The following ZNF254 variants were observed in gnomAD, a reference collection of about 807,000 sequenced individuals.
ZNF254 encodes CTD-2017D11.1.
Under a neutral mutation model 12.4 loss-of-function variants are expected in ZNF254, and 10 were observed. The observed-to-expected ratio is 0.80, with a 90% CI of 0.50 to 1.36. The LOEUF (loss-of-function observed/expected upper bound fraction) is 1.36, where lower values mean the gene tolerates loss of function less well. Among genes scored for constraint, ZNF254 ranks in the 40% most tolerant of loss-of-function variants. The pLI is 0.00. For missense variants in ZNF254, 996 were observed against 763.9 expected (o/e 1.30, Z -3.58); for synonymous variants, 305 against 253.4 (o/e 1.20, Z -1.93).
At chr19:24,066,357 C>T (rs894929664) in intron 2 of ZNF254, 8 of 152,144 alleles carry the variant, frequency 5.3e-5, no homozygotes, top group Non-Finnish European at 1.2e-4. Flanking sequence ...ATTGCTACAC[C>T]CAACACCTAG....
In ZNF254 at chr19:24,081,076, CAA is replaced by C. The variant is rs112442439; in HGVS notation, c.-93-24849_-93-24848del. Among the ~76,000 whole-genome samples, 449 of 123,410 alleles carry C rather than the reference CAA, an allele frequency of 3.6e-3. 2 individuals are homozygous for C. Among genetic ancestry groups the C allele is most frequent in the African/African-American group, 0.01 (370 of 35,804 alleles). The allele number at this position is 123,410 out of a possible 152,430, so 81.0% of individuals were successfully genotyped here. A position where few individuals can be genotyped will look rare whatever the true frequency, so the allele number is the denominator to read the frequency against. ...TGGGCGACAGAGTGAGACTCCTTCT[CAA>C]AAAAAAAAAAAAAAGAATATTAACT... On this transcript the variant is annotated intron_variant, in intron 2 of 4. Transcript: ENST00000613065.
chr19:24,127,002 C>G lies in ZNF254; in HGVS notation c.1002C>G (p.Ser334=), dbSNP rs1974905094. Residue 334 remains serine (S), a synonymous_variant, in exon 4 of 4, where the codon TCC becomes TCG. Transcript: ENST00000357002. The stretch of plus-strand genomic sequence containing the variant: ...AATGTGGCAAAGCATTTATATGGTC[C>G]TCAACACTAACTAGACATAAGAGGA... ...CEECGKAFIW[S]STLTRHKRMH... The G allele has an allele frequency of 6.2e-7, 1 of 1,612,818 alleles. No individual in the cohort carries two copies. Among genetic ancestry groups the G allele is most frequent in the African/African-American group, 1.3e-5 (1 of 74,212 alleles).
At chr19:24,093,405 C>G (rs1248346436) in intron 1 of ZNF254, among the ~76,000 whole-genome samples, 3 of 151,936 alleles carry the variant, frequency 2.0e-5, no homozygotes, top group South Asian at 4.2e-4. Flanking sequence ...AAGTTATCTT[C>G]CAGGGTTTTT....
intron 3 of ZNF254, among the ~76,000 whole-genome samples, chr19:24,117,595 G>T (rs897103174): frequency 6.6e-6 from 1 of 152,122 alleles, no homozygotes; most frequent in African/African-American, 2.4e-5. Flanking sequence ...GATGCCGTCT[G>T]TCACCCCTTT....
At chr19:24,118,724 T>A (rs1342944919) in intron 3 of ZNF254, among the ~76,000 whole-genome samples, 2 of 152,116 alleles carry the variant, frequency 1.3e-5, no homozygotes, top group Admixed American at 6.6e-5. Flanking sequence ...AAATTTTTGC[T>A]TTTTTCCTTG....
Position 24,081,193 on chromosome 19 carries a change from C to T in ZNF254, c.-93-24747C>T, listed in dbSNP as rs992977268. ...TGGTCACGGGGATAGATTGACAAGC[C>T]CATAGATGCCATTTTACATAATCTC... On this transcript the variant is annotated intron_variant, in intron 2 of 4. Transcript: ENST00000613065. 2.6e-5 allele frequency among the ~76,000 whole-genome samples: 4 copies of T among 152,162 alleles called. No individual in the cohort carries two copies. In the East Asian group the frequency reaches 7.8e-4, roughly 29 times the overall value.
chr19:24,118,481 G>T (rs1974262540), intron 3 of ZNF254, among the ~76,000 whole-genome samples: 1 of 151,958 alleles, frequency 6.6e-6, no homozygotes, highest in African/African-American at 2.4e-5. Context: ...GAAATTTTTT[G>T]TGTCCTTTCA....
intron 2 of ZNF254, among the ~76,000 whole-genome samples, chr19:24,064,183 A>T (rs901631809): frequency 3.3e-5 from 5 of 151,984 alleles, no homozygotes; most frequent in African/African-American, 1.2e-4. Flanking sequence ...CTCCTATGTG[A>T]TGTGACTCTT....
chr19:24,081,475 T>G (rs1190107064), intron 2 of ZNF254, among the ~76,000 whole-genome samples: 1 of 152,198 alleles, frequency 6.6e-6, no homozygotes, highest in Non-Finnish European at 1.5e-5. Flanking sequence ...GAGGTGCTAA[T>G]CAATAAAAAA....
At chr19:24,070,423 GA>G (rs1172249549) in intron 2 of ZNF254, among the ~76,000 whole-genome samples, 1 of 152,184 alleles carries the variant, frequency 6.6e-6, no homozygotes, top group African/African-American at 2.4e-5. Context: ...GAGGCAGTGG[GA>G]AGTTGCAAAG....
intron 1 of ZNF254, among the ~76,000 whole-genome samples, chr19:24,089,445 AG>A (rs1270186400): frequency 6.6e-6 from 1 of 152,018 alleles, no homozygotes; most frequent in Non-Finnish European, 1.5e-5. Context: ...ATATCTTATC[AG>A]AATGTTTTTG....
chr19:24,106,181 AT>A, intron 2 of ZNF254, 115 bp downstream of exon 2: 1 of 1,341,790 alleles, frequency 7.5e-7, no homozygotes, highest in Non-Finnish European at 9.9e-7. Context: ...AATACTGGGG[AT>A]TTGTCTGTTG....
intron 3 of ZNF254, among the ~76,000 whole-genome samples, chr19:24,110,593 A>G (rs1435477063): frequency 6.6e-6 from 1 of 152,108 alleles, no homozygotes; most frequent in Non-Finnish European, 1.5e-5. Context: ...TATTTCAGGC[A>G]TGTTAACTAT....
At chr19:24,115,470 A>G (rs968471742) in intron 3 of ZNF254, among the ~76,000 whole-genome samples, 12 of 151,122 alleles carry the variant, frequency 7.9e-5, no homozygotes, top group Non-Finnish European at 1.3e-4. Context: ...GGGGAATTGA[A>G]CAATGAGAAC....
intron 3 of ZNF254, among the ~76,000 whole-genome samples, chr19:24,124,156 A>G (rs1175370764): frequency 4.6e-5 from 7 of 151,746 alleles, no homozygotes; most frequent in South Asian, 2.1e-4. Flanking sequence ...TTTGTGGTAC[A>G]TTGGGGATTA....
Position 24,127,968 on chromosome 19 carries a change from CT to C in ZNF254, c.1970del (p.Leu657TyrfsTer5). ...ATAAGATAACTCATTGGAGAGAAAT[CT>C]TACAAGTATGAATAATGTGCCAAAG... ...TDKITHWREI[L>X]QV On this transcript the variant is annotated frameshift_variant, in exon 4 of 4. Transcript: ENST00000357002. LOFTEE classifies it high-confidence loss of function. 1 of 1,554,614 alleles carries C rather than the reference CT, an allele frequency of 6.4e-7. No homozygotes were observed.
intron 3 of ZNF254, among the ~76,000 whole-genome samples, chr19:24,110,297 A>G (rs1973588836): frequency 6.6e-6 from 1 of 152,056 alleles, no homozygotes; most frequent in Non-Finnish European, 1.5e-5. Flanking sequence ...GTGGTGGCTC[A>G]TATCTTTAAA....
intron 2 of ZNF254, among the ~76,000 whole-genome samples, chr19:24,051,566 A>T (rs555267694): frequency 6.6e-6 from 1 of 152,108 alleles, no homozygotes; most frequent in South Asian, 2.1e-4. Flanking sequence ...ACAAAAAGGG[A>T]TTGTGACATA....
intron 1 of ZNF254, among the ~76,000 whole-genome samples, chr19:24,038,659 A>G (rs565584418): frequency 1.3e-5 from 2 of 152,344 alleles, no homozygotes; most frequent in South Asian, 2.1e-4. Context: ...ACAACATACA[A>G]TTGTGCAATT....
Sources: allele counts gnomAD v4.1 joint callset (sites outside exome capture counted in the v4.1 genomes callset), GRCh38; gene constraint gnomAD v4.1.1; transcripts MANE v1.5; gene names NCBI Gene and HGNC (gene_info 2026-07-23, HGNC 2026-07-21).